The following ASTN2 variants were observed in gnomAD, a reference collection of about 807,000 sequenced individuals.
ASTN2 encodes the protein astrotactin-2.
In ASTN2, 54 loss-of-function variants were observed where a neutral mutation model predicts 139.8. The observed-to-expected ratio is 0.39, with a 90% CI of 0.31 to 0.48. The LOEUF (loss-of-function observed/expected upper bound fraction) is 0.48, where lower values mean the gene tolerates loss of function less well. ASTN2 is among the 20% of genes least tolerant of loss of function. The pLI, the probability that ASTN2 is intolerant of heterozygous loss-of-function variation, is 0.95. For synonymous variants in ASTN2, 756 were observed against 719.5 expected, an observed-to-expected ratio of 1.05 and a Z score of -0.81; for missense variants, 1,565 against 1,725.1, an observed-to-expected ratio of 0.91 and a Z score of 1.64.
chr9:117,320,366 A>G (rs1828289187), intron 1 of ASTN2, among the ~76,000 whole-genome samples: 1 of 152,194 alleles, frequency 6.6e-6, no homozygotes, highest in Admixed American at 6.5e-5. Flanking sequence ...GCAATACTCA[A>G]GTTTGAAAAT....
chr9:117,336,057 G>GA (rs35679249), intron 1 of ASTN2, among the ~76,000 whole-genome samples: 39,368 of 104,762 alleles, frequency 0.38, 6,397 homozygotes, highest in East Asian at 0.58. Context: ...GTCTGGAAAG[G>GA]AAAAAAAAAA....
chr9:116,970,853 A>G (rs1383400293), intron 10 of ASTN2, among the ~76,000 whole-genome samples: 1 of 152,166 alleles, frequency 6.6e-6, no homozygotes. Context: ...CCAAAAGCTG[A>G]GCTTTGTGGG....
rs150760774 is a variant in ASTN2, at chr9:116,625,327, G to A, written c.3073-4884C>T. Among the ~76,000 whole-genome samples the A allele has an allele frequency of 3.1e-3, 467 of 152,222 alleles. 3 individuals carry two copies. Among genetic ancestry groups the A allele is most frequent in the African/African-American group, 0.011 (442 of 41,530 alleles). On this transcript the variant is annotated intron_variant, in intron 17 of 22. Transcript: ENST00000313400. ...TGGGTGCCTGTAATCACAGTTACTC[G>A]GGAGGCTGAGGAAGGAGAATAGCTT...
intron 13 of ASTN2, among the ~76,000 whole-genome samples, chr9:116,750,255 C>G (rs1299728840): frequency 6.6e-6 from 1 of 152,214 alleles, no homozygotes; most frequent in Non-Finnish European, 1.5e-5. Flanking sequence ...TCATTTGTTA[C>G]TTCATTCCTT....
chr9:116,739,378 C>A (rs1829034794), intron 13 of ASTN2, among the ~76,000 whole-genome samples: 1 of 152,192 alleles, frequency 6.6e-6, no homozygotes, highest in South Asian at 2.1e-4. Context: ...GCCCCCTGGG[C>A]CACTGTTTTC....
chr9:116,512,734 T>C (rs577547457), intron 19 of ASTN2, among the ~76,000 whole-genome samples: 1 of 152,348 alleles, frequency 6.6e-6, no homozygotes, highest in Non-Finnish European at 1.5e-5. Context: ...TCTTGCTGAA[T>C]TGATCCCTTT....
intron 10 of ASTN2, among the ~76,000 whole-genome samples, chr9:116,970,841 C>T (rs780463908): frequency 1.3e-5 from 2 of 152,194 alleles, no homozygotes; most frequent in African/African-American, 4.8e-5. Context: ...GACTGAGGCG[C>T]TCCAAAAGCT....
chr9:116,739,763 C>A (rs1233754695), intron 13 of ASTN2, among the ~76,000 whole-genome samples: 1 of 152,134 alleles, frequency 6.6e-6, no homozygotes, highest in East Asian at 1.9e-4. Flanking sequence ...TCCTCAGGGC[C>A]CAGCAGTGCA....
chr9:117,095,502 A>G (rs1587957659), intron 5 of ASTN2, among the ~76,000 whole-genome samples: 3 of 152,352 alleles, frequency 2.0e-5, no homozygotes, highest in Admixed American at 2.0e-4. Flanking sequence ...TCTTATTTAT[A>G]CATACCAAGT....
chr9:116,978,692 A>T (rs1318712257), intron 7 of ASTN2, among the ~76,000 whole-genome samples: 1 of 152,204 alleles, frequency 6.6e-6, no homozygotes, highest in Non-Finnish European at 1.5e-5. Context: ...TGTTAAAAAT[A>T]TAAAAACAAG....
chr9:116,746,204 A>T (rs1342562762), intron 13 of ASTN2, among the ~76,000 whole-genome samples: 1 of 148,332 alleles, frequency 6.7e-6, no homozygotes, highest in Non-Finnish European at 1.5e-5. Context: ...CTCCTGCCTC[A>T]CCCTCCTGAG....
At chr9:117,378,271 G>A (rs183995114) in intron 1 of ASTN2, among the ~76,000 whole-genome samples, 20 of 152,266 alleles carry the variant, frequency 1.3e-4, no homozygotes, top group Non-Finnish European at 2.2e-4. Flanking sequence ...AGGGCTCCTG[G>A]TACCTAGTCC....
intron 3 of ASTN2, among the ~76,000 whole-genome samples, chr9:117,152,873 A>G (rs1830354552): frequency 1.3e-5 from 2 of 152,228 alleles, no homozygotes; most frequent in African/African-American, 2.4e-5. Flanking sequence ...TTCAATCACA[A>G]TAACACTAAT....
At chr9:116,440,010 C>T (rs1323632162) in intron 22 of ASTN2, among the ~76,000 whole-genome samples, 1 of 152,172 alleles carries the variant, frequency 6.6e-6, no homozygotes, top group Non-Finnish European at 1.5e-5. Flanking sequence ...ACATAAAATG[C>T]AGCCACCATT....
chr9:117,049,017 G>C (rs1387329672), intron 5 of ASTN2, among the ~76,000 whole-genome samples: 1 of 131,552 alleles, frequency 7.6e-6, no homozygotes, highest in Non-Finnish European at 1.6e-5. Flanking sequence ...GGCTGGAGTG[G>C]AGTGCAATGG....
chr9:117,001,746 T>C (rs989227315), intron 7 of ASTN2, among the ~76,000 whole-genome samples: 27 of 152,200 alleles, frequency 1.8e-4, no homozygotes, highest in African/African-American at 5.8e-4. Context: ...GAAATCCCCA[T>C]CTAGAATACA....
chr9:116,966,186 A>G (rs1365102861), intron 10 of ASTN2, among the ~76,000 whole-genome samples: 2 of 152,222 alleles, frequency 1.3e-5, no homozygotes, highest in African/African-American at 4.8e-5. Context: ...CAGATATAAC[A>G]ACTCATTTCT....
intron 11 of ASTN2, among the ~76,000 whole-genome samples, chr9:116,847,128 G>A (rs1318043846): frequency 2.0e-5 from 3 of 150,944 alleles, no homozygotes; most frequent in African/African-American, 7.3e-5. Context: ...GTTTTGTTTT[G>A]TTTTTTGAGA....
intron 4 of ASTN2, among the ~76,000 whole-genome samples, chr9:117,128,192 G>A (rs1829743771): frequency 1.3e-5 from 2 of 151,754 alleles, no homozygotes; most frequent in African/African-American, 2.4e-5. Flanking sequence ...TGGCCAACAT[G>A]GTGAAACCCT....
Sources: gnomAD v4.1 joint callset for allele counts (sites outside exome capture counted in the v4.1 genomes callset) on GRCh38, gnomAD v4.1.1 for gene constraint, MANE v1.5 for transcripts, NCBI Gene and HGNC (gene_info 2026-07-23, HGNC 2026-07-21) for gene names.